Variants in IL18R1 observed in about 807,000 individuals in gnomAD.
IL18R1 encodes the protein interleukin 18 receptor 1, also known as interleukin-18 receptor 1.
Under a neutral mutation model 48.5 loss-of-function variants are expected in IL18R1, and 40 were observed. The ratio of observed to expected loss-of-function variants is 0.82; its 90% CI spans 0.64 to 1.07. IL18R1 has a LOEUF of 1.07. Among genes scored for constraint, IL18R1 ranks in the 50% least tolerant of loss-of-function variants. The pLI is 0.00. For missense variants in IL18R1, 596 were observed against 633.7 expected (o/e 0.94, Z 0.64); for synonymous variants, 232 against 225.9 (o/e 1.03, Z -0.24).
At chr2:102,364,247 A>T (rs1038543256) in intron 2 of IL18R1, among the ~76,000 whole-genome samples, 1 of 152,230 alleles carries the variant, frequency 6.6e-6, no homozygotes, top group African/African-American at 2.4e-5. Flanking sequence ...ATAAGCCAAT[A>T]TCCAACAGAC....
intron 3 of IL18R1, among the ~76,000 whole-genome samples, chr2:102,368,947 C>T (rs987246684): frequency 2.0e-5 from 3 of 152,116 alleles, no homozygotes; most frequent in Non-Finnish European, 4.4e-5. Flanking sequence ...ACTGTGAAAC[C>T]TTGGTAGCAC....
intron 6 of IL18R1, among the ~76,000 whole-genome samples, chr2:102,384,467 C>T (rs1017449293): frequency 3.3e-5 from 5 of 152,292 alleles, no homozygotes; most frequent in South Asian, 4.1e-4. Flanking sequence ...TTCTTAAGTA[C>T]GCTTGTAGTT....
chr2:102,392,595 A>C (rs966396357), intron 9 of IL18R1, among the ~76,000 whole-genome samples: 1 of 152,204 alleles, frequency 6.6e-6, no homozygotes, highest in Non-Finnish European at 1.5e-5. Context: ...GAAGATAAAA[A>C]CTTTTATCAC....
intron 5 of IL18R1, among the ~76,000 whole-genome samples, chr2:102,379,321 G>A (rs902991680): frequency 2.0e-5 from 3 of 151,926 alleles, no homozygotes; most frequent in African/African-American, 7.3e-5. Context: ...GTGGGCACCT[G>A]TAATCCCAGC....
rs111866185 is a variant in IL18R1 at position 102,359,037 on chromosome 2, G to A, written c.-29+2637G>A. On this transcript the variant is annotated intron_variant, in intron 1 of 10. Coordinates refer to ENST00000233957, the MANE Select transcript of IL18R1 (RefSeq NM_003855.5). ...TGTGTGAGCATGTGTGTGTGTGTGC[G>A]TGTGTGTGCATGTGCATGTTTGCAT... is the stretch of plus-strand genomic sequence containing the variant. 1.1e-4 allele frequency among the ~76,000 whole-genome samples: 16 copies of A among 152,220 alleles called. No individual in the cohort carries two copies. In the South Asian group the frequency reaches 2.5e-3, roughly 24 times the overall value.
intron 3 of IL18R1, 123 bp from the exon 4 acceptor site, chr2:102,371,830 A>G (rs1438014834): frequency 1.6e-6 from 1 of 621,362 alleles, no homozygotes; most frequent in Non-Finnish European, 2.8e-6. Context: ...TTGCACATCA[A>G]TGAATCAATC....
rs953151682 is a variant in IL18R1 at position 102,380,981 on chromosome 2, G to A, written c.626-639G>A. ...GCTGCCTTAAGCAAGAGCCTGTTGG[G>A]TGATGACTTACTTCCCAAGCATCAC... is the stretch of plus-strand genomic sequence containing the variant. On this transcript the variant is annotated intron_variant, in intron 5 of 10. Transcript: ENST00000233957. 5.3e-4 allele frequency among the ~76,000 whole-genome samples: 80 copies of A among 152,208 alleles called. 1 individual carries two copies. The highest frequency in any genetic ancestry group is 1.3e-4 in the Admixed American group (2 of 15,286).
intron 1 of IL18R1, among the ~76,000 whole-genome samples, chr2:102,359,362 TAC>T (rs1300603116): frequency 6.6e-6 from 1 of 152,226 alleles, no homozygotes; most frequent in Non-Finnish European, 1.5e-5. Flanking sequence ...AAGGATATTC[TAC>T]ACTTAAAAGC....
chr2:102,376,052 C>T lies in IL18R1; in HGVS notation c.614C>T (p.Thr205Ile), dbSNP rs184754953. Residue 205 changes from threonine (T) to isoleucine (I), a missense_variant, in exon 5 of 11, where the codon ACA (threonine) becomes ATA (isoleucine). Coordinates refer to ENST00000233957, the MANE Select transcript of IL18R1 (RefSeq NM_003855.5). ...LFNITKTFNI[T>I]IVEDRSNIVP... is the part of the protein sequence containing the mutation. ...AATATCACCAAAACCTTCAATATAA[C>T]AATAGTGGAAGGTAAGGGAAATCTT... 3.2e-6 allele frequency: 5 copies of T among 1,575,442 alleles called. No individual in the cohort carries two copies. The highest frequency in any genetic ancestry group is 4.6e-5 in the East Asian group (2 of 43,802).
intron 6 of IL18R1, among the ~76,000 whole-genome samples, chr2:102,384,564 T>C (rs1387691281): frequency 6.6e-6 from 1 of 152,210 alleles, no homozygotes; most frequent in African/African-American, 2.4e-5. Flanking sequence ...ATTTGGTTTA[T>C]CTAGAAGTCT....
At position 102,376,619 on chromosome 2, in the gene IL18R1, T is replaced by C. The variant is rs145473088; in HGVS notation, c.625+556T>C. Among the ~76,000 whole-genome samples the C allele has an allele frequency of 3.4e-3, 514 of 152,184 alleles. 2 individuals carry two copies. The highest frequency in any genetic ancestry group is 7.1e-3 in the South Asian group (34 of 4,808). On this transcript the variant is annotated intron_variant, in intron 5 of 10. Coordinates refer to ENST00000233957, the MANE Select transcript of IL18R1 (RefSeq NM_003855.5). Reference sequence around the variant, plus strand: ...CCTGGGTCTTGGAGGGGGAGCCTCATGAAACAGTGACCTGCTGGGGGAAGG... The same window carrying C: ...CCTGGGTCTTGGAGGGGGAGCCTCACGAAACAGTGACCTGCTGGGGGAAGG...
chr2:102,384,138 G>C (rs1295891217), intron 6 of IL18R1, among the ~76,000 whole-genome samples: 1 of 152,174 alleles, frequency 6.6e-6, no homozygotes, highest in Non-Finnish European at 1.5e-5. Flanking sequence ...CTGGGATGTA[G>C]GTATGTTCAC....
rs910988943 is a variant in IL18R1 at position 102,397,206 on chromosome 2, C to T, written c.*320C>T. The T allele has an allele frequency of 4.0e-6, 1 of 246,990 alleles. No individual in the cohort carries two copies. The highest frequency in any genetic ancestry group is 2.2e-5 in the African/African-American group (1 of 44,618). The allele number at this position is 246,990 out of a possible 1,614,324, so 15.3% of individuals were successfully genotyped here. A position where few individuals can be genotyped will look rare whatever the true frequency, so the allele number is the denominator to read the frequency against. The stretch of plus-strand genomic sequence containing the variant: ...TGAAGCTGGACGTGATGCAAAATAA[C>T]CGATGCCCTACAAAAAGGGCGCATC... On this transcript the variant is annotated 3_prime_UTR_variant, in exon 11 of 11. Transcript: ENST00000233957.
rs368136484 is a variant in IL18R1 at position 102,361,788 on chromosome 2, A to G, written c.-28-845A>G. 2.6e-5 allele frequency among the ~76,000 whole-genome samples: 4 copies of G among 152,276 alleles called. No individual in the cohort carries two copies. The South Asian group carries it at 6.2e-4, about 24-fold the overall frequency. ...TTGTTTATGCAGTATTTAGACTCTG[A>G]ATGGTCTCCACTGTGGGGGATCCTT... On this transcript the variant is annotated intron_variant, in intron 1 of 10. Coordinates refer to ENST00000233957, the MANE Select transcript of IL18R1 (RefSeq NM_003855.5).
At chr2:102,362,017 C>T (rs992503442) in intron 1 of IL18R1, among the ~76,000 whole-genome samples, 4 of 152,180 alleles carry the variant, frequency 2.6e-5, no homozygotes, top group African/African-American at 9.7e-5. Context: ...CATGCATACA[C>T]ACCTATGCCT....
intron 5 of IL18R1, among the ~76,000 whole-genome samples, chr2:102,379,444 CAAAAAAAAAAAAA>C (rs112656218): frequency 9.7e-6 from 1 of 102,940 alleles, no homozygotes; most frequent in African/African-American, 3.6e-5. Flanking sequence ...GACTCGGTCT[CAAAAAAAAAAAAA>C]AAAAAAAAAG....
intron 5 of IL18R1, among the ~76,000 whole-genome samples, chr2:102,377,140 C>G (rs1679636264): frequency 6.6e-6 from 1 of 152,174 alleles, no homozygotes. Context: ...TTTGCTACAG[C>G]CTTTGCTTTA....
At chr2:102,394,738 T>A (rs568546329) in intron 10 of IL18R1, 111 bp downstream of exon 10, 1 of 880,112 alleles carries the variant, frequency 1.1e-6, no homozygotes, top group East Asian at 2.8e-5. Context: ...ATGAATAAGG[T>A]CCTTTAAGCA....
chr2:102,367,482 C>T (rs112575000), intron 2 of IL18R1, among the ~76,000 whole-genome samples: 10 of 152,298 alleles, frequency 6.6e-5, no homozygotes, highest in African/African-American at 2.4e-4. Flanking sequence ...ACCGTGACTT[C>T]TGTGGCTTTC....
Sources: allele counts gnomAD v4.1 joint callset (sites outside exome capture counted in the v4.1 genomes callset), GRCh38; gene constraint gnomAD v4.1.1; transcripts MANE v1.5; gene names NCBI Gene and HGNC (gene_info 2026-07-23, HGNC 2026-07-21).